Variants in HSPB8 observed in about 807,000 individuals in gnomAD.
HSPB8 encodes heat shock protein beta-8.
HSPB8 carries 9 observed loss-of-function variants against 16.5 expected under a neutral mutation model. The ratio of observed to expected loss-of-function variants is 0.55; its 90% confidence interval spans 0.33 to 0.95. The LOEUF (loss-of-function observed/expected upper bound fraction) is 0.95, where lower values mean the gene tolerates loss of function less well. HSPB8 is among the 40% of genes least tolerant of loss of function. The pLI, the probability that HSPB8 is intolerant of heterozygous loss-of-function variation, is 0.03. For missense variants in HSPB8, 238 were observed against 251.2 expected (o/e 0.95, Z 0.35); for synonymous variants, 99 against 94.8 (o/e 1.04, Z -0.26).
chr12:119,186,015 G>A (rs539052916), intron 1 of HSPB8, among the ~76,000 whole-genome samples: 200 of 152,194 alleles, frequency 1.3e-3, no homozygotes, highest in Non-Finnish European at 2.5e-3. Context: ...AGTAACAGCC[G>A]AATGGCCCCA....
At chr12:119,186,895 T>C in intron 1 of HSPB8, 130 bp from the exon 2 acceptor site, 1 of 832,062 alleles carries the variant, frequency 1.2e-6, no homozygotes, top group Non-Finnish European at 2.1e-6. Flanking sequence ...CTTAGATAAC[T>C]AGAGTCTCTA....
intron 2 of HSPB8, among the ~76,000 whole-genome samples, chr12:119,188,010 G>T (rs1182693393): frequency 6.6e-6 from 1 of 152,176 alleles, no homozygotes; most frequent in African/African-American, 2.4e-5. Context: ...AACAGGGAAA[G>T]GGAGCCTGGG....
At position 119,186,906 on chromosome 12, in the gene HSPB8, G is replaced by A. The variant is rs1017224291; in HGVS notation, c.368-119G>A. On this transcript the variant is annotated intron_variant, in intron 1 of 2. Transcript: ENST00000281938. ...GAGGCTTAGATAACTAGAGTCTCTA[G>A]GGTAGGCCTAAGTCACACAGCAAGG... is the stretch of plus-strand genomic sequence containing the variant. The A allele has an allele frequency of 5.0e-5, 45 of 902,862 alleles. No homozygotes were observed. In the East Asian group the frequency reaches 1.1e-3, roughly 21 times the overall value. The allele number at this position is 902,862 out of a possible 1,614,324, so 55.9% of individuals were successfully genotyped here.
chr12:119,189,097 T>C (rs1039407055), intron 2 of HSPB8, among the ~76,000 whole-genome samples: 4 of 152,170 alleles, frequency 2.6e-5, no homozygotes, highest in African/African-American at 9.7e-5. Context: ...TCTTCGTGTT[T>C]GCTGGCTTGC....
chr12:119,193,625 CCT>C, intron 2 of HSPB8, 72 bp from the exon 3 acceptor site: 1 of 1,514,158 alleles, frequency 6.6e-7, no homozygotes, highest in Non-Finnish European at 9.2e-7. Context: ...AAAAATATTT[CCT>C]CTCAAGTGAA....
intron 1 of HSPB8, among the ~76,000 whole-genome samples, chr12:119,185,158 G>T (rs1672675992): frequency 6.7e-6 from 1 of 149,914 alleles, no homozygotes; most frequent in South Asian, 2.1e-4. Context: ...TGTTATTGTT[G>T]TTTTTTTTAA....
chr12:119,184,450 T>G (rs2136082487), intron 1 of HSPB8, among the ~76,000 whole-genome samples: 1 of 152,268 alleles, frequency 6.6e-6, no homozygotes, highest in Middle Eastern at 3.4e-3. Flanking sequence ...CACTGGCCTG[T>G]CCCCAGGGGA....
intron 1 of HSPB8, among the ~76,000 whole-genome samples, chr12:119,186,002 A>T (rs1954673560): frequency 6.6e-6 from 1 of 152,176 alleles, no homozygotes; most frequent in Admixed American, 6.5e-5. Flanking sequence ...ATGAGGAGTG[A>T]AAAGTAACAG....
intron 2 of HSPB8, among the ~76,000 whole-genome samples, chr12:119,191,583 A>AAAAG (rs1306401797): frequency 7.5e-6 from 1 of 133,216 alleles, no homozygotes; most frequent in East Asian, 2.0e-4. Context: ...TACCCACAAA[A>AAAAG]AAAGAAAGAA....
rs1565930620 is a variant in HSPB8 at position 119,193,869 on chromosome 12, C to T, written c.*11C>T. 6.2e-7 allele frequency: 1 copy of T among 1,613,998 alleles called. No individual in the cohort carries two copies. Among genetic ancestry groups the T allele is most frequent in the East Asian group, 2.2e-5 (1 of 44,878 alleles). On this transcript the variant is annotated 3_prime_UTR_variant, in exon 3 of 3. Coordinates refer to ENST00000281938, the MANE Select transcript of HSPB8 (RefSeq NM_014365.3). Reference sequence around the variant, plus strand: ...GTCACCTGTACCTGAGATGCCAGTACTGGCCCATCCTTGTTTTGTCCCCAA... The same window carrying T: ...GTCACCTGTACCTGAGATGCCAGTATTGGCCCATCCTTGTTTTGTCCCCAA...
intron 1 of HSPB8, among the ~76,000 whole-genome samples, chr12:119,180,958 G>C (rs1954633105): frequency 6.6e-6 from 1 of 152,186 alleles, no homozygotes. Flanking sequence ...CCAGATTTCT[G>C]AGTTGGCTGG....
chr12:119,186,242 G>A (rs1306049825), intron 1 of HSPB8, among the ~76,000 whole-genome samples: 1 of 152,238 alleles, frequency 6.6e-6, no homozygotes, highest in Non-Finnish European at 1.5e-5. Context: ...GAGAGGTCTG[G>A]TGGAATTTCA....
chr12:119,179,725 A>G (rs769297043), intron 1 of HSPB8, 46 bp downstream of exon 1: 1 of 1,532,772 alleles, frequency 6.5e-7, no homozygotes, highest in Non-Finnish European at 8.7e-7. Context: ...GCCGGGATGT[A>G]GCCCTCAGCC....
intron 1 of HSPB8, 29 bp from the exon 2 acceptor site, chr12:119,186,996 C>T: frequency 3.7e-6 from 6 of 1,610,314 alleles, no homozygotes; most frequent in East Asian, 2.2e-5. Context: ...AACATAGATG[C>T]TGACACGCCA....
rs149657313 is a variant in HSPB8, at chr12:119,182,467, C to T, written c.367+2788C>T. On this transcript the variant is annotated intron_variant, in intron 1 of 2. Transcript: ENST00000281938. ...CAGTCTGGTCAACATGGCGAAACCCCGTTCTACTAAAAATACAAAAATTAG... is the reference window on the plus strand; with the variant it reads ...CAGTCTGGTCAACATGGCGAAACCCTGTTCTACTAAAAATACAAAAATTAG... Among the ~76,000 whole-genome samples the T allele has an allele frequency of 8.2e-3, 1,250 of 151,866 alleles. 22 individuals carry two copies. Among genetic ancestry groups the T allele is most frequent in the African/African-American group, 0.028 (1,160 of 41,438 alleles).
At chr12:119,182,653 AT>A (rs757888459) in intron 1 of HSPB8, among the ~76,000 whole-genome samples, 79 of 152,160 alleles carry the variant, frequency 5.2e-4, no homozygotes, top group Non-Finnish European at 1.1e-3. Context: ...AAAATAAAAA[AT>A]AAAAATAAAT....
chr12:119,189,376 C>T (rs1359470543), intron 2 of HSPB8, among the ~76,000 whole-genome samples: 2 of 148,454 alleles, frequency 1.3e-5, no homozygotes, highest in Non-Finnish European at 3.0e-5. Context: ...GGGGAGATAG[C>T]TTGCTGGAAG....
chr12:119,179,372 C>T lies in HSPB8; in HGVS notation c.60C>T (p.Pro20=). The T allele has an allele frequency of 6.2e-7, 1 of 1,614,164 alleles. No homozygotes were observed. The highest frequency in any genetic ancestry group is 8.5e-7 in the Non-Finnish European group (1 of 1,180,026). ...ACCCAAGCCGCCTGCGCCGAGACCCCTTCCGGGACTCTCCCCTCTCCTCTC... is the reference window on the plus strand; with the variant it reads ...ACCCAAGCCGCCTGCGCCGAGACCCTTTCCGGGACTCTCCCCTCTCCTCTC... ...CHYPSRLRRD[P]FRDSPLSSRL... Residue 20 remains proline (P), a synonymous_variant, in exon 1 of 3, where the codon CCC becomes CCT. Coordinates refer to ENST00000281938, the MANE Select transcript of HSPB8 (RefSeq NM_014365.3).
At position 119,187,071 on chromosome 12, in the gene HSPB8, C is replaced by T. The variant is rs1198839639; in HGVS notation, c.414C>T (p.Asn138=). 1 of 1,613,914 alleles carries T rather than the reference C, an allele frequency of 6.2e-7. No homozygotes were observed. The highest frequency in any genetic ancestry group is 1.3e-5 in the African/African-American group (1 of 74,924). The change falls in exon 2 of 3, where the codon AAC becomes AAT. Residue 138 remains asparagine (N), a synonymous_variant. Coordinates refer to ENST00000281938, the MANE Select transcript of HSPB8 (RefSeq NM_014365.3). ...AAGAAGGTGGCATTGTTTCTAAGAA[C>T]TTCACAAAGAAAATCCAGTAAGTAA... ...KQQEGGIVSK[N]FTKKIQLPAE...
Sources: gnomAD v4.1 joint callset for allele counts (sites outside exome capture counted in the v4.1 genomes callset) on GRCh38, gnomAD v4.1.1 for gene constraint, MANE v1.5 for transcripts, NCBI Gene and HGNC (gene_info 2026-07-23, HGNC 2026-07-21) for gene names.